The following LIMA1 variants were observed in gnomAD, a reference collection of about 807,000 sequenced individuals.
LIMA1 encodes the protein LIM domain and actin-binding protein 1.
LIMA1 carries 52 observed loss-of-function variants against 62.6 expected under a neutral mutation model. The ratio of observed to expected loss-of-function variants is 0.83; its 90% CI spans 0.67 to 1.05. The LOEUF is 1.05. LIMA1 is among the 50% of genes least tolerant of loss of function. The pLI, the probability that LIMA1 is intolerant of heterozygous loss-of-function variation, is 0.00. For missense variants in LIMA1, 780 were observed against 902.2 expected, an observed-to-expected ratio of 0.86 and a Z score of 1.74; for synonymous variants, 302 against 317.8, an observed-to-expected ratio of 0.95 and a Z score of 0.53.
intron 2 of LIMA1, among the ~76,000 whole-genome samples, chr12:50,242,310 T>G (rs1156543219): frequency 6.6e-6 from 1 of 152,020 alleles, no homozygotes; most frequent in Non-Finnish European, 1.5e-5. Context: ...GGTCAATTTT[T>G]TTCTTATTGA....
At chr12:50,225,432 T>C (rs183302946) in intron 3 of LIMA1, among the ~76,000 whole-genome samples, 37 of 152,356 alleles carry the variant, frequency 2.4e-4, no homozygotes, top group African/African-American at 8.4e-4. Flanking sequence ...TGTCTTTTTT[T>C]CTATTTTGTA....
intron 1 of LIMA1, among the ~76,000 whole-genome samples, chr12:50,279,861 C>T (rs1038602406): frequency 6.6e-6 from 1 of 151,886 alleles, no homozygotes; most frequent in Non-Finnish European, 1.5e-5. Context: ...AAAGAAGTCC[C>T]GGGGCATTAG....
chr12:50,217,257 G>A (rs1020805606), intron 4 of LIMA1, among the ~76,000 whole-genome samples: 1 of 152,022 alleles, frequency 6.6e-6, no homozygotes, highest in African/African-American at 2.4e-5. Flanking sequence ...GAAAACAGGT[G>A]TATTCCCTTC....
At chr12:50,243,067 T>C (rs990351379) in intron 2 of LIMA1, among the ~76,000 whole-genome samples, 15 of 152,240 alleles carry the variant, frequency 9.9e-5, no homozygotes, top group African/African-American at 3.6e-4. Context: ...GCTATTCAAA[T>C]GGATGTATCA....
chr12:50,225,013 A>G (rs1188628781), intron 3 of LIMA1, among the ~76,000 whole-genome samples: 2 of 146,650 alleles, frequency 1.4e-5, no homozygotes, highest in Non-Finnish European at 3.0e-5. Flanking sequence ...AGCAATTCTC[A>G]TGCCTCAGCC....
At chr12:50,211,266 C>A (rs541740349) in intron 4 of LIMA1, among the ~76,000 whole-genome samples, 2 of 147,446 alleles carry the variant, frequency 1.4e-5, no homozygotes, top group African/African-American at 2.5e-5. Context: ...GAGGTTGCAG[C>A]GAGCCAAGAT....
intron 6 of LIMA1, among the ~76,000 whole-genome samples, chr12:50,203,665 G>A (rs1429561236): frequency 1.3e-5 from 2 of 151,722 alleles, no homozygotes; most frequent in Admixed American, 1.3e-4. Flanking sequence ...TGCCCACCTC[G>A]GCCTCCCAAA....
chr12:50,244,244 C>G (rs193250684), intron 2 of LIMA1, among the ~76,000 whole-genome samples: 1 of 152,200 alleles, frequency 6.6e-6, no homozygotes, highest in Non-Finnish European at 1.5e-5. Context: ...GCTGGGATTA[C>G]AGGCATGGGC....
chr12:50,205,947 C>T (rs1213321014), intron 5 of LIMA1, 37 bp downstream of exon 5: 1 of 1,513,278 alleles, frequency 6.6e-7, no homozygotes, highest in East Asian at 2.3e-5. Flanking sequence ...GTGAGTACTT[C>T]CTAAAGGACC....
At chr12:50,193,005 C>CGTGTGTGT (rs1192928722) in intron 8 of LIMA1, among the ~76,000 whole-genome samples, 52 of 43,768 alleles carry the variant, frequency 1.2e-3, no homozygotes, top group African/African-American at 3.1e-3. Context: ...TGTGTGTGTG[C>CGTGTGTGT]GCGCGTGCGC....
intron 3 of LIMA1, 81 bp downstream of exon 3, chr12:50,231,584 G>T: frequency 8.0e-7 from 1 of 1,256,152 alleles, no homozygotes; most frequent in Non-Finnish European, 1.2e-6. Flanking sequence ...TAGAACCCAA[G>T]CCCCACAGAG....
At chr12:50,218,555 G>A (rs1941388487) in intron 4 of LIMA1, among the ~76,000 whole-genome samples, 1 of 152,104 alleles carries the variant, frequency 6.6e-6, no homozygotes, top group Non-Finnish European at 1.5e-5. Flanking sequence ...CTTCTTCCCT[G>A]TCTCCCAGGT....
At chr12:50,237,453 AT>A (rs1283477805) in intron 2 of LIMA1, among the ~76,000 whole-genome samples, 1 of 152,204 alleles carries the variant, frequency 6.6e-6, no homozygotes, top group African/African-American at 2.4e-5. Flanking sequence ...CCTGGCCAAC[AT>A]GGTGAAACCC....
intron 1 of LIMA1, among the ~76,000 whole-genome samples, chr12:50,275,401 T>C (rs1942264643): frequency 2.6e-5 from 4 of 152,036 alleles, no homozygotes; most frequent in Non-Finnish European, 5.9e-5. Context: ...TAATTGTTTA[T>C]ATGTGCATAA....
intron 1 of LIMA1, among the ~76,000 whole-genome samples, chr12:50,258,155 C>G (rs1942021326): frequency 1.3e-5 from 2 of 152,198 alleles, no homozygotes; most frequent in African/African-American, 4.8e-5. Context: ...CCCAAGGAGC[C>G]CTGTTTTCTT....
At chr12:50,267,365 C>G (rs996447511) in intron 1 of LIMA1, among the ~76,000 whole-genome samples, 17 of 151,774 alleles carry the variant, frequency 1.1e-4, no homozygotes, top group African/African-American at 3.1e-4. Flanking sequence ...GCCACCGCAC[C>G]CGGTCACGCC....
intron 4 of LIMA1, chr12:50,217,675 C>T (rs889529818): frequency 1.4e-5 from 3 of 222,142 alleles, no homozygotes; most frequent in East Asian, 1.2e-4. Context: ...TGATTTCTGG[C>T]GGTCGTGGGG....
Position 50,200,247 on chromosome 12 carries a change from C to T in LIMA1, c.972+530G>A, listed in dbSNP as rs1188034389. Among the ~76,000 whole-genome samples the T allele has an allele frequency of 2.7e-5, 4 of 149,440 alleles. No homozygotes were observed. The South Asian group carries it at 6.4e-4, about 24-fold the overall frequency. On this transcript the variant is annotated intron_variant, in intron 7 of 10. Coordinates refer to ENST00000341247, the MANE Select transcript of LIMA1 (RefSeq NM_016357.5). ...TTTTTGAGACAGAGTCTTGCTCTGT[C>T]GCCCAGGCTGGAGTGCAGTGCACTC...
intron 1 of LIMA1, among the ~76,000 whole-genome samples, chr12:50,253,737 G>A (rs894939305): frequency 6.6e-6 from 1 of 152,116 alleles, no homozygotes; most frequent in Non-Finnish European, 1.5e-5. Context: ...TTAAAGGTGT[G>A]GTATTGGGGC....
Sources: gnomAD v4.1 joint callset for allele counts (sites outside exome capture counted in the v4.1 genomes callset) on GRCh38, gnomAD v4.1.1 for gene constraint, MANE v1.5 for transcripts, NCBI Gene and HGNC (gene_info 2026-07-23, HGNC 2026-07-21) for gene names.